Variants in ANKRD6 observed in about 807,000 individuals in gnomAD.
ANKRD6 encodes ankyrin repeat domain 6.
ANKRD6 carries 56 observed loss-of-function variants against 82.3 expected under a neutral mutation model. The observed-to-expected ratio is 0.68, with a 90% CI of 0.55 to 0.85. The LOEUF (loss-of-function observed/expected upper bound fraction) is 0.85. Ranked by LOEUF, ANKRD6 falls within the 40% of genes least tolerant of loss-of-function variation. The probability of loss-of-function intolerance (pLI) is 0.00; values close to 1 mark genes in which losing one functional copy is unlikely to be tolerated. For missense variants in ANKRD6, 852 were observed against 907.6 expected, an observed-to-expected ratio of 0.94 and a Z score of 0.79; for synonymous variants, 347 against 352.1, an observed-to-expected ratio of 0.99 and a Z score of 0.16.
intron 1 of ANKRD6, among the ~76,000 whole-genome samples, chr6:89,520,018 C>T (rs545118387): frequency 8.5e-5 from 13 of 152,244 alleles, no homozygotes; most frequent in African/African-American, 3.1e-4. Context: ...GATAGGATCT[C>T]GCTCTGTTGC....
chr6:89,587,185 C>T (rs1387642442), intron 2 of ANKRD6, among the ~76,000 whole-genome samples: 6 of 131,852 alleles, frequency 4.6e-5, no homozygotes, highest in African/African-American at 1.2e-4. Context: ...AGTGAAACTC[C>T]GTCTCAAAAA....
At chr6:89,593,636 A>G (rs1056078439) in intron 2 of ANKRD6, among the ~76,000 whole-genome samples, 1 of 152,190 alleles carries the variant, frequency 6.6e-6, no homozygotes, top group Non-Finnish European at 1.5e-5. Flanking sequence ...CTCATTACCC[A>G]TGGCAAACTG....
chr6:89,603,846 T>C (rs1211227222), intron 4 of ANKRD6, among the ~76,000 whole-genome samples: 2 of 151,646 alleles, frequency 1.3e-5, no homozygotes, highest in Admixed American at 6.6e-5. Context: ...ATTAAGAAAA[T>C]ATATATTAGC....
chr6:89,627,386 C>T (rs905220394), intron 13 of ANKRD6, among the ~76,000 whole-genome samples, 197 bp from the exon 14 acceptor site: 6 of 152,184 alleles, frequency 3.9e-5, no homozygotes, highest in African/African-American at 7.2e-5. Flanking sequence ...AAAAACGAAA[C>T]GTTGGCCTCA....
chr6:89,453,304 T>C (rs1052687129), intron 1 of ANKRD6, among the ~76,000 whole-genome samples: 2 of 152,218 alleles, frequency 1.3e-5, no homozygotes, highest in African/African-American at 4.8e-5. Context: ...GCCCTTTTAC[T>C]CTCTGTTATA....
intron 1 of ANKRD6, among the ~76,000 whole-genome samples, chr6:89,495,903 C>T (rs766847441): frequency 6.6e-6 from 1 of 152,060 alleles, no homozygotes; most frequent in African/African-American, 2.4e-5. Flanking sequence ...AACTGAGGCT[C>T]AGAAAGTTTC....
chr6:89,616,095 G>C (rs1267135401), intron 7 of ANKRD6, among the ~76,000 whole-genome samples: 2 of 152,176 alleles, frequency 1.3e-5, no homozygotes, highest in Non-Finnish European at 2.9e-5. Context: ...CACCTCTCCG[G>C]TGCTTGCAGA....
chr6:89,455,055 G>T (rs1208421072), intron 1 of ANKRD6, among the ~76,000 whole-genome samples: 1 of 151,782 alleles, frequency 6.6e-6, no homozygotes, highest in Non-Finnish European at 1.5e-5. Context: ...TGTTGGCCAG[G>T]CTGGTCTCGA....
At chr6:89,527,345 A>G (rs1381358184) in intron 1 of ANKRD6, among the ~76,000 whole-genome samples, 5 of 152,200 alleles carry the variant, frequency 3.3e-5, no homozygotes, top group African/African-American at 1.2e-4. Flanking sequence ...CTGTAATCCC[A>G]GCACTTTGGG....
At chr6:89,574,448 A>G (rs2128098683) in intron 2 of ANKRD6, among the ~76,000 whole-genome samples, 1 of 152,334 alleles carries the variant, frequency 6.6e-6, no homozygotes, top group Admixed American at 6.5e-5. Flanking sequence ...CATAAGCACT[A>G]AATGTGATAG....
Position 89,566,890 on chromosome 6 carries a change from C to G in ANKRD6, c.-87C>G. The G allele has an allele frequency of 6.7e-7, 1 of 1,503,404 alleles. No homozygotes were observed. The highest frequency in any genetic ancestry group is 9.0e-7 in the Non-Finnish European group (1 of 1,110,556). 93.1% of individuals were successfully genotyped at this position (1,503,404 alleles called of 1,614,324 possible). ...TTCTGATGATTGTGAACATCTTTAC[C>G]TCTGGGTGCCAGGCCGGGCCAGTGA... On this transcript the variant is annotated 5_prime_UTR_variant, in exon 2 of 16. Coordinates refer to ENST00000339746, the MANE Select transcript of ANKRD6 (RefSeq NM_001242809.2).
At chr6:89,567,930 G>A (rs1348675149) in intron 2 of ANKRD6, among the ~76,000 whole-genome samples, 2 of 152,222 alleles carry the variant, frequency 1.3e-5, no homozygotes, top group African/African-American at 4.8e-5. Flanking sequence ...GTGAAGAGGG[G>A]CAAAGTTTAA....
intron 10 of ANKRD6, among the ~76,000 whole-genome samples, chr6:89,622,421 G>C (rs903634266): frequency 6.6e-6 from 1 of 152,158 alleles, no homozygotes. Context: ...GATAATTCTT[G>C]GGCCTCACCT....
chr6:89,455,699 C>T (rs926628367), intron 1 of ANKRD6, among the ~76,000 whole-genome samples: 1 of 152,120 alleles, frequency 6.6e-6, no homozygotes, highest in Non-Finnish European at 1.5e-5. Flanking sequence ...TCTCTTCCTC[C>T]TGCTCTGGCC....
intron 1 of ANKRD6, among the ~76,000 whole-genome samples, chr6:89,458,147 G>A (rs1463614394): frequency 6.6e-6 from 1 of 152,174 alleles, no homozygotes; most frequent in Non-Finnish European, 1.5e-5. Context: ...TGTTGTTTAA[G>A]CCACTGAGTC....
chr6:89,569,827 C>G (rs1789384615), intron 2 of ANKRD6, among the ~76,000 whole-genome samples: 1 of 152,110 alleles, frequency 6.6e-6, no homozygotes, highest in South Asian at 2.1e-4. Flanking sequence ...AATTTTAAAA[C>G]TATTAGTTCA....
chr6:89,485,945 C>A (rs56106315), intron 1 of ANKRD6, among the ~76,000 whole-genome samples: 1 of 151,908 alleles, frequency 6.6e-6, no homozygotes, highest in African/African-American at 2.4e-5. Flanking sequence ...CTGAAGCATG[C>A]GTTTTAATTA....
At chr6:89,512,577 G>A (rs978660851) in intron 1 of ANKRD6, among the ~76,000 whole-genome samples, 1 of 152,186 alleles carries the variant, frequency 6.6e-6, no homozygotes, top group Non-Finnish European at 1.5e-5. Flanking sequence ...GCCAGGGTGG[G>A]CACAAGGAGC....
Position 89,631,125 on chromosome 6 carries a change from A to G in ANKRD6, c.*121A>G, listed in dbSNP as rs1807320998. The G allele has an allele frequency of 7.1e-7, 1 of 1,402,794 alleles. No individual in the cohort carries two copies. The highest frequency in any genetic ancestry group is 9.2e-7 in the Non-Finnish European group (1 of 1,081,352). The allele number at this position is 1,402,794 out of a possible 1,614,324, so 86.9% of individuals were successfully genotyped here. Reference sequence around the variant, plus strand: ...GCAGATTTGCCTTTTTAAAAAAATCACTAATTCTACAATGTGCCAGATACA... The same window carrying G: ...GCAGATTTGCCTTTTTAAAAAAATCGCTAATTCTACAATGTGCCAGATACA... On this transcript the variant is annotated 3_prime_UTR_variant, in exon 16 of 16. Coordinates refer to ENST00000339746, the MANE Select transcript of ANKRD6 (RefSeq NM_001242809.2).
Sources: allele counts gnomAD v4.1 joint callset (sites outside exome capture counted in the v4.1 genomes callset), GRCh38; gene constraint gnomAD v4.1.1; transcripts MANE v1.5; gene names NCBI Gene and HGNC (gene_info 2026-07-23, HGNC 2026-07-21).